Variants in SLC8A1 observed in about 807,000 individuals in gnomAD.
SLC8A1 encodes sodium/calcium exchanger 1.
A neutral mutation model predicts 68.3 loss-of-function variants in SLC8A1; 18 were observed. That is an observed-to-expected ratio of 0.26 (90% CI 0.18 to 0.39). SLC8A1 has a LOEUF of 0.39. Among genes scored for constraint, SLC8A1 ranks in the 10% least tolerant of loss-of-function variants. The probability of loss-of-function intolerance (pLI) is 1.00; values close to 1 mark genes in which losing one functional copy is unlikely to be tolerated. For synonymous variants in SLC8A1, 475 were observed against 415.5 expected (o/e 1.14, Z -1.74); for missense variants, 985 against 1,156.7 (o/e 0.85, Z 2.15).
At chr2:40,246,712 T>G (rs1401134138) in intron 2 of SLC8A1, among the ~76,000 whole-genome samples, 1 of 152,210 alleles carries the variant, frequency 6.6e-6, no homozygotes, top group African/African-American at 2.4e-5. Context: ...TCATATTGCT[T>G]TGATATGCTT....
At chr2:40,481,077 G>A (rs1265764726) in intron 1 of SLC8A1, among the ~76,000 whole-genome samples, 1 of 152,168 alleles carries the variant, frequency 6.6e-6, no homozygotes, top group Admixed American at 6.5e-5. Flanking sequence ...CAGTCGCAAA[G>A]TCATTTTACA....
chr2:40,492,939 A>G, intron 1 of SLC8A1, among the ~76,000 whole-genome samples: 1 of 152,100 alleles, frequency 6.6e-6, no homozygotes, highest in Non-Finnish European at 1.5e-5. Flanking sequence ...CAGTGTGGCC[A>G]TTCCTCAGGG....
chr2:40,133,014 C>A (rs1415043842), intron 7 of SLC8A1, among the ~76,000 whole-genome samples: 1 of 152,204 alleles, frequency 6.6e-6, no homozygotes, highest in East Asian at 1.9e-4. Flanking sequence ...GTATTTTATA[C>A]CAATTTTCAG....
At chr2:40,255,909 T>G (rs764196811) in intron 2 of SLC8A1, among the ~76,000 whole-genome samples, 1 of 151,992 alleles carries the variant, frequency 6.6e-6, no homozygotes, top group Non-Finnish European at 1.5e-5. Flanking sequence ...TCTGGTGTTC[T>G]CTGGCACCAT....
chr2:40,382,354 G>C (rs1363420016), intron 2 of SLC8A1, among the ~76,000 whole-genome samples: 2 of 151,504 alleles, frequency 1.3e-5, no homozygotes, highest in East Asian at 3.9e-4. Flanking sequence ...GCGGTCTTCA[G>C]GTACATCCAG....
intron 2 of SLC8A1, among the ~76,000 whole-genome samples, chr2:40,204,671 C>G (rs2055044411): frequency 6.6e-6 from 1 of 151,540 alleles, no homozygotes; most frequent in Non-Finnish European, 1.5e-5. Context: ...CAGGTTAGTC[C>G]AACAGAAATA....
At chr2:40,420,207 T>C (rs1695099433) in intron 2 of SLC8A1, among the ~76,000 whole-genome samples, 1 of 152,170 alleles carries the variant, frequency 6.6e-6, no homozygotes, top group South Asian at 2.1e-4. Context: ...GGTCACTTAT[T>C]CTAGGAAAGT....
At chr2:40,151,301 A>C (rs1273772520) in intron 6 of SLC8A1, among the ~76,000 whole-genome samples, 1 of 152,022 alleles carries the variant, frequency 6.6e-6, no homozygotes, top group Non-Finnish European at 1.5e-5. Context: ...ATTTATATAG[A>C]TTGTTTTCTA....
At chr2:40,439,548 T>G (rs1700098781) in intron 1 of SLC8A1, among the ~76,000 whole-genome samples, 1 of 152,166 alleles carries the variant, frequency 6.6e-6, no homozygotes, top group Non-Finnish European at 1.5e-5. Flanking sequence ...CAATCTCAAG[T>G]TGAATGACAG....
chr2:40,401,768 T>A (rs1688825120), intron 2 of SLC8A1, among the ~76,000 whole-genome samples: 1 of 152,144 alleles, frequency 6.6e-6, no homozygotes, highest in African/African-American at 2.4e-5. Context: ...TACTTACTTT[T>A]ATATATTGAT....
chr2:40,262,912 G>T (rs754030046), intron 2 of SLC8A1, among the ~76,000 whole-genome samples: 1 of 152,204 alleles, frequency 6.6e-6, no homozygotes, highest in Non-Finnish European at 1.5e-5. Flanking sequence ...ATAGGATGAA[G>T]TGGCCACAGA....
chr2:40,159,838 TG>T (rs1208306977), intron 6 of SLC8A1, among the ~76,000 whole-genome samples: 5 of 152,118 alleles, frequency 3.3e-5, no homozygotes, highest in Non-Finnish European at 7.4e-5. Context: ...ACTTGGGAGA[TG>T]TGTCAAATTA....
At chr2:40,136,814 A>G (rs1038659235) in intron 7 of SLC8A1, among the ~76,000 whole-genome samples, 1 of 152,120 alleles carries the variant, frequency 6.6e-6, no homozygotes, top group East Asian at 1.9e-4. Flanking sequence ...AGCCTGTTCA[A>G]TTTTCAGTTT....
chr2:40,377,747 C>G (rs1163922816), intron 2 of SLC8A1, among the ~76,000 whole-genome samples: 1 of 152,086 alleles, frequency 6.6e-6, no homozygotes, highest in Non-Finnish European at 1.5e-5. Flanking sequence ...ATTGTTTAGT[C>G]TTCTCCTGCC....
chr2:40,116,560 G>GTGTT (rs2035458506), intron 7 of SLC8A1, among the ~76,000 whole-genome samples: 1 of 152,080 alleles, frequency 6.6e-6, no homozygotes, highest in Non-Finnish European at 1.5e-5. Flanking sequence ...AGAATATGCG[G>GTGTT]TGTTTGGTTT....
intron 2 of SLC8A1, among the ~76,000 whole-genome samples, chr2:40,302,571 CATAT>C (rs372316695): frequency 2.0e-5 from 3 of 147,462 alleles, no homozygotes; most frequent in Admixed American, 6.8e-5. Context: ...ATCTGTATAA[CATAT>C]ATATCATATA....
Position 40,355,627 on chromosome 2 carries a change from T to A in SLC8A1, c.1808+72846A>T, listed in dbSNP as rs765677260. Among the ~76,000 whole-genome samples, 4 of 152,088 alleles carry A rather than the reference T, an allele frequency of 2.6e-5. No homozygotes were observed. In the East Asian group the frequency reaches 5.8e-4, roughly 22 times the overall value. ...TTACTGATTACCACACACTGACCCA[T>A]CTAGGGAGTGGTTTACCCTGAGGCC... On this transcript the variant is annotated intron_variant, in intron 2 of 7. Transcript: ENST00000406785.
chr2:40,441,642 A>T (rs940095874), intron 1 of SLC8A1, among the ~76,000 whole-genome samples: 2 of 152,100 alleles, frequency 1.3e-5, no homozygotes, highest in Non-Finnish European at 2.9e-5. Flanking sequence ...TCTTCTACAA[A>T]CCTGACAAAA....
intron 2 of SLC8A1, among the ~76,000 whole-genome samples, chr2:40,188,406 C>G (rs931740599): frequency 3.3e-5 from 5 of 152,182 alleles, no homozygotes; most frequent in African/African-American, 4.8e-5. Flanking sequence ...AAGATCAGTT[C>G]TCCATTTGCC....
Sources: gnomAD v4.1 joint callset for allele counts (sites outside exome capture counted in the v4.1 genomes callset) on GRCh38, gnomAD v4.1.1 for gene constraint, MANE v1.5 for transcripts, NCBI Gene and HGNC (gene_info 2026-07-23, HGNC 2026-07-21) for gene names.